The following TEX11 variants were observed in gnomAD, a reference collection of about 807,000 sequenced individuals.
The protein encoded by TEX11 is testis-expressed protein 11.
TEX11 carries 7 observed loss-of-function variants against 84.4 expected under a neutral mutation model. That is an observed-to-expected ratio of 0.08 (90% CI 0.05 to 0.16). The LOEUF is 0.16. TEX11 is among the 10% of genes least tolerant of loss of function. The pLI, the probability that TEX11 is intolerant of heterozygous loss-of-function variation, is 1.00. For missense variants in TEX11, 551 were observed against 660.5 expected (o/e 0.83, Z 1.82); for synonymous variants, 264 against 222.8 (o/e 1.18, Z -1.64).
chrX:70,848,980 T>C (rs1251051234), intron 7 of TEX11, among the ~76,000 whole-genome samples: 1 of 111,976 alleles, frequency 8.9e-6, no homozygotes, highest in East Asian at 2.8e-4. Flanking sequence ...AAATGGGGAA[T>C]TAGGAGAAAC....
chrX:70,764,237 T>A (rs1432289525), intron 9 of TEX11, among the ~76,000 whole-genome samples: 3 of 111,579 alleles, frequency 2.7e-5, no homozygotes, highest in Non-Finnish European at 5.6e-5. Context: ...TGACCGTGGG[T>A]CAATGAAGAA....
At chrX:70,780,223 A>G (rs1410112876) in intron 9 of TEX11, among the ~76,000 whole-genome samples, 2 of 112,032 alleles carry the variant, frequency 1.8e-5, no homozygotes, top group African/African-American at 6.5e-5. Context: ...GCAGTAAGCC[A>G]AGATCCTTCC....
intron 9 of TEX11, among the ~76,000 whole-genome samples, chrX:70,749,540 ATGATATTGGC>A (rs2090796732): frequency 9.4e-6 from 1 of 106,302 alleles, no homozygotes; most frequent in South Asian, 4.4e-4. Context: ...CCCATTCAGT[ATGATATTGGC>A]TGTGGGTTTG....
At chrX:70,792,584 A>G (rs377724256) in intron 9 of TEX11, among the ~76,000 whole-genome samples, 167 of 107,695 alleles carry the variant, frequency 1.6e-3, no homozygotes, top group South Asian at 9.5e-3. Flanking sequence ...AAAACTGTAT[A>G]CAAAAGATCA....
chrX:70,829,279 C>T (rs1356328041), intron 8 of TEX11, among the ~76,000 whole-genome samples: 3 of 110,719 alleles, frequency 2.7e-5, no homozygotes, highest in African/African-American at 9.9e-5. Context: ...GTCAGGAGTT[C>T]GAGACCAGCC....
chrX:70,755,140 C>G (rs890291835), intron 9 of TEX11, among the ~76,000 whole-genome samples: 4 of 112,029 alleles, frequency 3.6e-5, no homozygotes, highest in African/African-American at 1.3e-4. Context: ...GCACCAGAAA[C>G]CAATCCTGGA....
chrX:70,889,216 G>C (rs189662302), intron 2 of TEX11, among the ~76,000 whole-genome samples: 31 of 110,872 alleles, frequency 2.8e-4, no homozygotes, highest in African/African-American at 1.0e-3. Flanking sequence ...AGGAGTTTGA[G>C]ACGAGCCTGG....
At chrX:70,514,010 G>A in the TEX11 span, among the ~76,000 whole-genome samples, 1 of 109,088 alleles carries the variant, frequency 9.2e-6, no homozygotes, top group African/African-American at 3.4e-5. Flanking sequence ...CACAGCACAT[G>A]CATTAGTTTG....
At chrX:70,752,493 C>G (rs1385326635) in intron 9 of TEX11, among the ~76,000 whole-genome samples, 3 of 95,585 alleles carry the variant, frequency 3.1e-5, no homozygotes, top group African/African-American at 1.2e-4. Flanking sequence ...CCACTGCATC[C>G]CAGCCTGGGT....
the TEX11 span, among the ~76,000 whole-genome samples, chrX:70,516,650 CT>C: frequency 2.7e-5 from 3 of 111,016 alleles, no homozygotes; most frequent in Admixed American, 2.9e-4. Flanking sequence ...TTTTCCAATT[CT>C]GTGAAGAAAG....
rs1001885799 is a variant in TEX11, at chrX:70,569,880, G to A, written c.2141-15080C>T. Among the ~76,000 whole-genome samples, 5 of 112,029 alleles carry A rather than the reference G, an allele frequency of 4.5e-5. No individual in the cohort carries two copies. The Admixed American group carries it at 4.7e-4, about 11-fold the overall frequency. ...TGTCAGGGACCCACTTGAGGAGGCAGTCTGCTGATTCTCAGATCTCCAGCT... is the reference window on the plus strand; with the variant it reads ...TGTCAGGGACCCACTTGAGGAGGCAATCTGCTGATTCTCAGATCTCCAGCT... On this transcript the variant is annotated intron_variant, in intron 25 of 29. Transcript: ENST00000374333.
At chrX:70,624,755 A>G (rs2089432408) in intron 19 of TEX11, 84 bp downstream of exon 19, 2 of 753,106 alleles carry the variant, frequency 2.7e-6, no homozygotes, top group Admixed American at 3.2e-5. Flanking sequence ...CTTGATCTCA[A>G]TAGCACTATT....
chrX:70,667,671 T>C (rs1039065576), intron 16 of TEX11, among the ~76,000 whole-genome samples: 1 of 111,996 alleles, frequency 8.9e-6, no homozygotes, highest in African/African-American at 3.2e-5. Context: ...CTCACGCCTG[T>C]AATCCCAGCA....
intron 13 of TEX11, among the ~76,000 whole-genome samples, chrX:70,696,108 T>C (rs1028160153): frequency 8.9e-6 from 1 of 111,878 alleles, no homozygotes; most frequent in African/African-American, 3.2e-5. Context: ...ACCTTAACCC[T>C]GGTTGCAACC....
At chrX:70,673,520 C>T (rs989838054) in intron 15 of TEX11, 1 of 111,818 alleles carries the variant, frequency 8.9e-6, no homozygotes, top group African/African-American at 3.2e-5. Context: ...ATGACCTGGC[C>T]TAGATCCTGA....
At chrX:70,874,395 CTTTTTTTT>C (rs34210812) in intron 3 of TEX11, among the ~76,000 whole-genome samples, 11 of 48,077 alleles carry the variant, frequency 2.3e-4, no homozygotes, top group Non-Finnish European at 3.6e-4. Context: ...TGATGACTTC[CTTTTTTTT>C]TTTTTTTTTT....
intron 17 of TEX11, among the ~76,000 whole-genome samples, chrX:70,634,490 G>C (rs921815963): frequency 3.6e-5 from 4 of 111,615 alleles, no homozygotes; most frequent in African/African-American, 1.3e-4. Flanking sequence ...TGTAAGGATG[G>C]ATTTGTTAAA....
At chrX:70,694,541 G>A (rs747777622) in intron 13 of TEX11, among the ~76,000 whole-genome samples, 1 of 111,915 alleles carries the variant, frequency 8.9e-6, no homozygotes, top group South Asian at 3.7e-4. Flanking sequence ...TTAAAAGGCT[G>A]ACTATACCAA....
chrX:70,770,716 C>T (rs753249987), intron 9 of TEX11, among the ~76,000 whole-genome samples: 1 of 111,010 alleles, frequency 9.0e-6, no homozygotes, highest in Admixed American at 9.6e-5. Flanking sequence ...TGTACAAATA[C>T]AAATTTAAAA....
Sources: allele counts gnomAD v4.1 joint callset (sites outside exome capture counted in the v4.1 genomes callset), GRCh38; gene constraint gnomAD v4.1.1; transcripts MANE v1.5; gene names NCBI Gene and HGNC (gene_info 2026-07-23, HGNC 2026-07-21).